ARHGEF10: variants seen among roughly 807,000 people sequenced by gnomAD.
ARHGEF10 encodes Rho guanine nucleotide exchange factor 10.
In ARHGEF10, 140 loss-of-function variants were observed where a neutral mutation model predicts 147.4. The observed-to-expected ratio is 0.95, with a 90% CI of 0.83 to 1.09. The LOEUF is 1.09. Ranked by LOEUF, ARHGEF10 falls within the 50% of genes least tolerant of loss-of-function variation. The pLI, the probability that ARHGEF10 is intolerant of heterozygous loss-of-function variation, is 0.00. For synonymous variants in ARHGEF10, 902 were observed against 695.8 expected, an observed-to-expected ratio of 1.30 and a Z score of -4.67; for missense variants, 2,222 against 1,752.7, an observed-to-expected ratio of 1.27 and a Z score of -4.78.
chr8:1,878,376 G>C (rs1174452376), intron 8 of ARHGEF10, among the ~76,000 whole-genome samples: 1 of 151,964 alleles, frequency 6.6e-6, no homozygotes, highest in Non-Finnish European at 1.5e-5. Flanking sequence ...TAGTAGAGAC[G>C]GGGTTTCACC....
chr8:1,914,249 C>T (rs915780565), intron 18 of ARHGEF10, among the ~76,000 whole-genome samples: 1 of 152,206 alleles, frequency 6.6e-6, no homozygotes, highest in African/African-American at 2.4e-5. Flanking sequence ...TGAAACGGTT[C>T]CTCATGAGGC....
At chr8:1,912,543 C>G (rs1188551280) in intron 18 of ARHGEF10, among the ~76,000 whole-genome samples, 143 of 109,836 alleles carry the variant, frequency 1.3e-3, no homozygotes, top group African/African-American at 1.9e-3. Context: ...GGTTTGCTGT[C>G]CGATGTTAGA....
In ARHGEF10 at chr8:1,893,631, T is replaced by G. The variant is rs750311160; in HGVS notation, c.1245T>G (p.Leu415=). The change falls in exon 12 of 29, where the codon CTT becomes CTG. Residue 415 remains leucine, a synonymous_variant. Transcript: ENST00000349830. ...GTGAAAAGAACTACGTAGATGCTCT[T>G]AAGAGGATTTTGGAGGTACTTAAGT... The part of the protein sequence containing the change: ...VDSEKNYVDA[L]KRILEQYEKP... 1 of 1,612,370 alleles carries G rather than the reference T, an allele frequency of 6.2e-7. No individual in the cohort carries two copies. Among genetic ancestry groups the G allele is most frequent in the East Asian group, 2.2e-5 (1 of 44,778 alleles).
At chr8:1,916,068 A>C (rs1021898812) in intron 18 of ARHGEF10, among the ~76,000 whole-genome samples, 4 of 152,234 alleles carry the variant, frequency 2.6e-5, no homozygotes, top group Non-Finnish European at 5.9e-5. Flanking sequence ...GTCACATGCC[A>C]GTCATTCCCA....
At chr8:1,862,073 G>A (rs1363376813) in intron 4 of ARHGEF10, among the ~76,000 whole-genome samples, 2 of 152,314 alleles carry the variant, frequency 1.3e-5, no homozygotes, top group East Asian at 1.9e-4. Context: ...CTCCGGTTGC[G>A]TTTTGATCAT....
intron 2 of ARHGEF10, among the ~76,000 whole-genome samples, chr8:1,851,596 C>A (rs1184603214): frequency 6.6e-6 from 1 of 152,164 alleles, no homozygotes; most frequent in African/African-American, 2.4e-5. Flanking sequence ...TAAAACTGCT[C>A]TAAAAAGTTG....
At position 1,893,650 on chromosome 8, in the gene ARHGEF10, C is replaced by A; in HGVS notation, c.1260+4C>A. 1.2e-6 allele frequency: 2 copies of A among 1,602,390 alleles called. No homozygotes were observed. The highest frequency in any genetic ancestry group is 1.7e-6 in the Non-Finnish European group (2 of 1,169,554). ...TGCTCTTAAGAGGATTTTGGAGGTA[C>A]TTAAGTGTCGTGTTACATAATACAT... On this transcript the variant is annotated splice_donor_region_variant and intron_variant, in intron 12 of 28. Coordinates refer to ENST00000349830, the MANE Select transcript of ARHGEF10 (RefSeq NM_014629.4).
intron 27 of ARHGEF10, 109 bp downstream of exon 27, chr8:1,945,764 C>G (rs1814528190): frequency 1.2e-5 from 18 of 1,474,286 alleles, no homozygotes; most frequent in South Asian, 2.3e-5. Context: ...GGACACTGTT[C>G]ACAACATGCT....
chr8:1,896,511 G>C, intron 14 of ARHGEF10, 62 bp downstream of exon 14: 1 of 1,154,504 alleles, frequency 8.7e-7, no homozygotes, highest in East Asian at 2.3e-5. Context: ...ACATGTCAAA[G>C]CTTGACTCTG....
intron 8 of ARHGEF10, among the ~76,000 whole-genome samples, chr8:1,878,740 C>G (rs1042477017): frequency 6.6e-6 from 1 of 152,178 alleles, no homozygotes; most frequent in African/African-American, 2.4e-5. Flanking sequence ...TTCAGGAGAC[C>G]CTGCCCTTGC....
intron 17 of ARHGEF10, among the ~76,000 whole-genome samples, chr8:1,907,388 T>A (rs1408272486): frequency 6.6e-6 from 1 of 152,184 alleles, no homozygotes; most frequent in East Asian, 1.9e-4. Flanking sequence ...TTGGGGACAT[T>A]AATGCTTGTT....
At chr8:1,853,383 C>T (rs756263704) in intron 2 of ARHGEF10, among the ~76,000 whole-genome samples, 1 of 152,254 alleles carries the variant, frequency 6.6e-6, no homozygotes, top group African/African-American at 2.4e-5. Flanking sequence ...GACGGCTACA[C>T]TGCAGATTCC....
chr8:1,948,211 C>A lies in ARHGEF10; in HGVS notation c.3397+2556C>A, dbSNP rs1235956938. Among the ~76,000 whole-genome samples the A allele has an allele frequency of 6.6e-6, 1 of 152,144 alleles. No homozygotes were observed. Among genetic ancestry groups the A allele is most frequent in the Non-Finnish European group, 1.5e-5 (1 of 68,024 alleles). ...TCCCCTGGCGCCCACTCTCCCGGGC[C>A]CCTCCAACATCCTGGGCTGGCTCTC... On this transcript the variant is annotated intron_variant, in intron 27 of 28. Coordinates refer to ENST00000349830, the MANE Select transcript of ARHGEF10 (RefSeq NM_014629.4). The surrounding 1 kb of genome is among the most constrained non-coding windows in gnomAD (Gnocchi z 4.9).
At chr8:1,883,929 A>G (rs1036203425) in intron 10 of ARHGEF10, among the ~76,000 whole-genome samples, 1 of 152,118 alleles carries the variant, frequency 6.6e-6, no homozygotes, top group Non-Finnish European at 1.5e-5. Flanking sequence ...GCCCACCTGG[A>G]GCCCATGCCA....
chr8:1,868,913 T>A (rs990910189), intron 6 of ARHGEF10, among the ~76,000 whole-genome samples: 1 of 152,218 alleles, frequency 6.6e-6, no homozygotes, highest in African/African-American at 2.4e-5. Context: ...AGTGACATTT[T>A]ACAGCTGGTC....
intron 1 of ARHGEF10, among the ~76,000 whole-genome samples, chr8:1,840,796 C>T (rs1440963254): frequency 6.6e-6 from 1 of 152,174 alleles, no homozygotes; most frequent in East Asian, 1.9e-4. Context: ...CCAAGGATAA[C>T]ATCCTTTGTC....
chr8:1,844,084 G>A (rs1228243399), intron 2 of ARHGEF10, among the ~76,000 whole-genome samples: 2 of 152,204 alleles, frequency 1.3e-5, no homozygotes, highest in South Asian at 2.1e-4. Context: ...AGGTCCTCCC[G>A]GGGCCTGCCG....
chr8:1,954,770 C>A (rs1815342466), intron 28 of ARHGEF10, among the ~76,000 whole-genome samples: 1 of 152,246 alleles, frequency 6.6e-6, no homozygotes, highest in Non-Finnish European at 1.5e-5. Flanking sequence ...TTAAAGGGTA[C>A]TTTTCACCTT....
intron 25 of ARHGEF10, among the ~76,000 whole-genome samples, chr8:1,931,141 CG>C (rs1813108876): frequency 6.6e-6 from 1 of 152,248 alleles, no homozygotes; most frequent in African/African-American, 2.4e-5. Flanking sequence ...CTCTGCTCCA[CG>C]GTAGGCGGAG....
Sources: gnomAD v4.1 joint callset for allele counts (sites outside exome capture counted in the v4.1 genomes callset) on GRCh38, gnomAD v4.1.1 for gene constraint, Gnocchi (gnomAD v3.1) non-coding constraint, MANE v1.5 for transcripts, NCBI Gene and HGNC (gene_info 2026-07-23, HGNC 2026-07-21) for gene names.